Variants in ADGRL3 observed in about 807,000 individuals in gnomAD.
ADGRL3 encodes adhesion G protein-coupled receptor L3.
ADGRL3 carries 62 observed loss-of-function variants against 153.5 expected under a neutral mutation model. The ratio of observed to expected loss-of-function variants is 0.40; its 90% CI spans 0.33 to 0.50. The LOEUF (loss-of-function observed/expected upper bound fraction) is 0.50. Among genes scored for constraint, ADGRL3 ranks in the 20% least tolerant of loss-of-function variants. The pLI is 0.47. For synonymous variants in ADGRL3, 710 were observed against 672.5 expected (o/e 1.06, Z -0.86); for missense variants, 1,641 against 1,859.4 (o/e 0.88, Z 2.16).
chr4:61,211,849 G>T lies in ADGRL3; in HGVS notation c.-240+10084G>T, dbSNP rs145891029. On this transcript the variant is annotated intron_variant, in intron 1 of 26. Coordinates refer to ENST00000683033, the MANE Select transcript of ADGRL3 (RefSeq NM_001387552.1). ...AGCAGTGTGCCATTTCTATCCTACAGTGGTAGAGCCACTGTACAATGACAA... is the reference window on the plus strand; with the variant it reads ...AGCAGTGTGCCATTTCTATCCTACATTGGTAGAGCCACTGTACAATGACAA... 1,494 of 152,338 alleles carry T rather than the reference G, an allele frequency of 9.8e-3. 29 individuals are homozygous for T. Among genetic ancestry groups the T allele is most frequent in the African/African-American group, 0.033 (1,378 of 41,564 alleles). The allele number at this position is 152,338 out of a possible 1,614,324, so 9.4% of individuals were successfully genotyped here.
At chr4:61,591,250 A>T (rs2098967915) in intron 5 of ADGRL3, among the ~76,000 whole-genome samples, 1 of 152,140 alleles carries the variant, frequency 6.6e-6, no homozygotes, top group African/African-American at 2.4e-5. Flanking sequence ...TTGTTGAAGC[A>T]TTTGTATATA....
chr4:61,300,343 G>GA lies in ADGRL3; in HGVS notation c.-239-82781_-239-82780insA, dbSNP rs549334082. The stretch of plus-strand genomic sequence containing the variant: ...TTCAGGATTAATATCAAACTGGAAT[G>GA]GGCCAGTCTAATGAATGCCAAGCTT... On this transcript the variant is annotated intron_variant, in intron 1 of 26. Transcript: ENST00000683033. Among the ~76,000 whole-genome samples the GA allele has an allele frequency of 2.5e-3, 380 of 152,272 alleles. 2 individuals are homozygous for GA. Among genetic ancestry groups the GA allele is most frequent in the African/African-American group, 9.0e-3 (372 of 41,558 alleles).
intron 11 of ADGRL3, chr4:61,906,477 C>A (rs2098696250): frequency 6.6e-6 from 1 of 152,024 alleles, no homozygotes. Flanking sequence ...AGTCATAATC[C>A]ATTTTATTGT....
At chr4:61,699,626 A>T (rs929635702) in intron 6 of ADGRL3, among the ~76,000 whole-genome samples, 4 of 152,116 alleles carry the variant, frequency 2.6e-5, no homozygotes, top group Non-Finnish European at 5.9e-5. Flanking sequence ...TAGAAGAGTT[A>T]ATAGACCCAT....
At chr4:61,425,954 G>C (rs2097274429) in intron 2 of ADGRL3, among the ~76,000 whole-genome samples, 1 of 152,198 alleles carries the variant, frequency 6.6e-6, no homozygotes, top group Admixed American at 6.5e-5. Flanking sequence ...CCCATATCTA[G>C]TGAGAGGAGG....
At chr4:61,581,823 G>T (rs2098926901) in intron 4 of ADGRL3, among the ~76,000 whole-genome samples, 1 of 151,986 alleles carries the variant, frequency 6.6e-6, no homozygotes, top group South Asian at 2.1e-4. Flanking sequence ...TACATGTTCA[G>T]TCAGTCATCA....
At chr4:61,623,831 G>C (rs2149883184) in intron 5 of ADGRL3, among the ~76,000 whole-genome samples, 1 of 152,246 alleles carries the variant, frequency 6.6e-6, no homozygotes, top group East Asian at 1.9e-4. Flanking sequence ...ATGTGATCTA[G>C]TCTGAGGTGG....
chr4:61,392,901 A>C (rs2096829979), intron 2 of ADGRL3, among the ~76,000 whole-genome samples: 1 of 151,872 alleles, frequency 6.6e-6, no homozygotes, highest in Non-Finnish European at 1.5e-5. Context: ...AAACACTAAA[A>C]ATCATCATAA....
intron 17 of ADGRL3, among the ~76,000 whole-genome samples, chr4:61,969,825 T>C (rs1420315970): frequency 1.3e-5 from 2 of 152,110 alleles, no homozygotes; most frequent in African/African-American, 4.8e-5. Context: ...TTAAGAAAAA[T>C]GGACAATTGA....
chr4:61,432,638 CTT>C (rs1263282409), intron 2 of ADGRL3, among the ~76,000 whole-genome samples: 4 of 23,930 alleles, frequency 1.7e-4, no homozygotes, highest in African/African-American at 4.9e-4. Flanking sequence ...TTCTTTCTTT[CTT>C]TCTTTCTTTC....
intron 2 of ADGRL3, among the ~76,000 whole-genome samples, chr4:61,470,094 T>C (rs2097928301): frequency 6.6e-6 from 1 of 152,026 alleles, no homozygotes. Flanking sequence ...CCACGTATTA[T>C]AAATCATACT....
intron 3 of ADGRL3, among the ~76,000 whole-genome samples, chr4:61,511,973 A>G (rs894479600): frequency 2.6e-5 from 4 of 152,150 alleles, no homozygotes; most frequent in African/African-American, 9.7e-5. Flanking sequence ...AGAAAGATAT[A>G]ATCTTTTATA....
intron 6 of ADGRL3, among the ~76,000 whole-genome samples, chr4:61,716,803 C>T (rs1039198741): frequency 3.3e-5 from 5 of 152,058 alleles, no homozygotes; most frequent in African/African-American, 4.8e-5. Flanking sequence ...TGAAACTATG[C>T]GTGTTTTGAA....
intron 4 of ADGRL3, among the ~76,000 whole-genome samples, chr4:61,541,463 A>G (rs1182377587): frequency 2.8e-5 from 4 of 143,364 alleles, no homozygotes; most frequent in Non-Finnish European, 6.0e-5. Flanking sequence ...CTGCCATTTT[A>G]TATCTTTGAA....
At chr4:61,449,714 T>C (rs2097650972) in intron 2 of ADGRL3, among the ~76,000 whole-genome samples, 1 of 152,144 alleles carries the variant, frequency 6.6e-6, no homozygotes. Context: ...ATTTAGATAA[T>C]AGGAACATCT....
At chr4:61,872,703 C>T (rs943597379) in intron 9 of ADGRL3, among the ~76,000 whole-genome samples, 12 of 151,510 alleles carry the variant, frequency 7.9e-5, no homozygotes, top group South Asian at 2.1e-4. Context: ...AAACACTTTG[C>T]CATCCAGAAA....
chr4:61,983,237 A>G (rs985374107), intron 18 of ADGRL3, 146 bp from the exon 19 acceptor site: 2 of 608,640 alleles, frequency 3.3e-6, no homozygotes, highest in African/African-American at 1.8e-5. Flanking sequence ...TAGTTTTAAT[A>G]TCTGTGTTTT....
At chr4:61,990,921 G>A (rs2099101354) in intron 19 of ADGRL3, among the ~76,000 whole-genome samples, 1 of 149,746 alleles carries the variant, frequency 6.7e-6, no homozygotes, top group Admixed American at 6.7e-5. Context: ...GTTATTATAA[G>A]TACCTTGCAA....
At chr4:61,707,821 G>A (rs2095881537) in intron 6 of ADGRL3, among the ~76,000 whole-genome samples, 1 of 152,060 alleles carries the variant, frequency 6.6e-6, no homozygotes, top group South Asian at 2.1e-4. Context: ...GAGACCCCCT[G>A]ATGATAGGCC....
Sources: allele counts gnomAD v4.1 joint callset (sites outside exome capture counted in the v4.1 genomes callset), GRCh38; gene constraint gnomAD v4.1.1; transcripts MANE v1.5; gene names NCBI Gene and HGNC (gene_info 2026-07-23, HGNC 2026-07-21).